Variants in NCKAP5 observed in about 807,000 individuals in gnomAD.
NCKAP5 encodes the protein nck-associated protein 5.
A neutral mutation model predicts 167.0 loss-of-function variants in NCKAP5; 92 were observed. The observed-to-expected ratio is 0.55, with a 90% CI of 0.47 to 0.66. The LOEUF (loss-of-function observed/expected upper bound fraction) is 0.66, where lower values mean the gene tolerates loss of function less well. NCKAP5 is among the 30% of genes least tolerant of loss of function. The pLI is 0.00. For missense variants in NCKAP5, 2,378 were observed against 2,315.0 expected (o/e 1.03, Z -0.56); for synonymous variants, 891 against 877.4 (o/e 1.02, Z -0.27).
chr2:133,480,124 G>T (rs999657743), intron 3 of NCKAP5, among the ~76,000 whole-genome samples: 13 of 152,064 alleles, frequency 8.5e-5, no homozygotes, highest in African/African-American at 3.1e-4. Flanking sequence ...TAGAGATGGG[G>T]TTTCGCCGTG....
At chr2:132,851,943 G>A (rs111929776) in intron 11 of NCKAP5, among the ~76,000 whole-genome samples, 7 of 152,188 alleles carry the variant, frequency 4.6e-5, no homozygotes, top group Admixed American at 6.5e-5. Flanking sequence ...TAATCTTTTC[G>A]TGCCGGGAAT....
chr2:133,339,991 G>A (rs111852457), intron 3 of NCKAP5, among the ~76,000 whole-genome samples: 1 of 152,296 alleles, frequency 6.6e-6, no homozygotes, highest in Non-Finnish European at 1.5e-5. Context: ...ACATGGTTTA[G>A]CTTCCGGGTG....
In NCKAP5 at chr2:132,932,006, T is replaced by C. The variant is rs1230892862; in HGVS notation, c.579+31714A>G. Among the ~76,000 whole-genome samples, 8 of 152,368 alleles carry C rather than the reference T, an allele frequency of 5.3e-5. No individual in the cohort carries two copies. The East Asian group carries it at 1.5e-3, about 29-fold the overall frequency. ...TATTCACCGTACAGGAAAAACTTTA[T>C]GGAGTTACTGACCTACAGGATTCTT... On this transcript the variant is annotated intron_variant, in intron 8 of 19. Coordinates refer to ENST00000409261, the MANE Select transcript of NCKAP5 (RefSeq NM_207363.3).
At chr2:133,326,183 C>T (rs1377145765) in intron 3 of NCKAP5, among the ~76,000 whole-genome samples, 2 of 152,178 alleles carry the variant, frequency 1.3e-5, no homozygotes, top group Non-Finnish European at 2.9e-5. Flanking sequence ...AGGCCGGGCA[C>T]AGTGGCTCAG....
At chr2:133,471,917 C>T (rs1300036583) in intron 3 of NCKAP5, among the ~76,000 whole-genome samples, 1 of 152,210 alleles carries the variant, frequency 6.6e-6, no homozygotes, top group African/African-American at 2.4e-5. Flanking sequence ...TTTAGTTTGA[C>T]ATGGTCATTG....
At chr2:132,984,574 G>T (rs996851929) in intron 7 of NCKAP5, among the ~76,000 whole-genome samples, 1 of 152,060 alleles carries the variant, frequency 6.6e-6, no homozygotes, top group African/African-American at 2.4e-5. Context: ...TGCTGTGCTC[G>T]CCGTGCAGAC....
intron 11 of NCKAP5, among the ~76,000 whole-genome samples, chr2:132,852,499 A>G (rs1477360172): frequency 6.6e-6 from 1 of 152,226 alleles, no homozygotes; most frequent in African/African-American, 2.4e-5. Flanking sequence ...GTTGAAGGTC[A>G]CAGTGACAGA....
intron 2 of NCKAP5, among the ~76,000 whole-genome samples, chr2:133,555,100 A>G (rs1165503329): frequency 6.6e-6 from 1 of 152,232 alleles, no homozygotes; most frequent in African/African-American, 2.4e-5. Flanking sequence ...TTTGCTTTAC[A>G]ATTCTCATAA....
At chr2:133,511,786 TC>T (rs1683516664) in intron 3 of NCKAP5, among the ~76,000 whole-genome samples, 1 of 152,218 alleles carries the variant, frequency 6.6e-6, no homozygotes, top group African/African-American at 2.4e-5. Flanking sequence ...TCTTTGGCCC[TC>T]CCTGACTTGA....
At chr2:133,056,783 C>T (rs966655286) in intron 6 of NCKAP5, among the ~76,000 whole-genome samples, 1 of 152,142 alleles carries the variant, frequency 6.6e-6, no homozygotes, top group Non-Finnish European at 1.5e-5. Context: ...ATCATTCAGG[C>T]AATTTTGTTT....
the NCKAP5 span, among the ~76,000 whole-genome samples, chr2:133,605,894 C>A: frequency 6.6e-6 from 1 of 152,296 alleles, no homozygotes; most frequent in Non-Finnish European, 1.5e-5. Flanking sequence ...GGGCAGGAGG[C>A]TCCTCTGAGG....
intron 3 of NCKAP5, among the ~76,000 whole-genome samples, chr2:133,330,070 T>TC (rs1682734888): frequency 7.7e-6 from 1 of 129,654 alleles, no homozygotes; most frequent in Non-Finnish European, 1.7e-5. Context: ...TTTTTTTTTT[T>TC]TTTTTTTTTT....
At chr2:133,005,160 T>G (rs558132480) in intron 6 of NCKAP5, among the ~76,000 whole-genome samples, 191 of 152,272 alleles carry the variant, frequency 1.3e-3, no homozygotes, top group Non-Finnish European at 2.3e-3. Context: ...CTTACGAAGA[T>G]GATGGGATTA....
intron 7 of NCKAP5, among the ~76,000 whole-genome samples, chr2:132,974,887 T>C (rs2076935045): frequency 6.6e-6 from 1 of 152,204 alleles, no homozygotes; most frequent in South Asian, 2.1e-4. Context: ...ACACATACCA[T>C]AATAGGAGCT....
At chr2:133,509,632 A>G (rs1206318911) in intron 3 of NCKAP5, among the ~76,000 whole-genome samples, 2 of 152,184 alleles carry the variant, frequency 1.3e-5, no homozygotes. Context: ...CCCTCAGGAA[A>G]CCTACAGTCA....
chr2:132,862,275 T>A (rs1007362129), intron 10 of NCKAP5, among the ~76,000 whole-genome samples: 8 of 152,222 alleles, frequency 5.3e-5, no homozygotes, highest in Non-Finnish European at 7.3e-5. Context: ...CCAGTAGTAT[T>A]AATTCTATTA....
At chr2:132,895,114 A>G (rs59244579) in intron 8 of NCKAP5, among the ~76,000 whole-genome samples, 41,581 of 151,676 alleles carry the variant, frequency 0.27, 5,726 homozygotes, top group Admixed American at 0.34. Flanking sequence ...GGCGGATCAC[A>G]AGGTCAGGAG....
the NCKAP5 span, among the ~76,000 whole-genome samples, chr2:133,673,133 C>G: frequency 6.6e-6 from 1 of 152,178 alleles, no homozygotes; most frequent in African/African-American, 2.4e-5. Context: ...GAGGTCACAG[C>G]CTTATGTTCT....
chr2:133,630,393 G>A, the NCKAP5 span, among the ~76,000 whole-genome samples: 1 of 152,166 alleles, frequency 6.6e-6, no homozygotes, highest in Non-Finnish European at 1.5e-5. Context: ...AGACTGTAGT[G>A]ATGGTTACAC....
Sources: allele counts gnomAD v4.1 joint callset (sites outside exome capture counted in the v4.1 genomes callset), GRCh38; gene constraint gnomAD v4.1.1; transcripts MANE v1.5; gene names NCBI Gene and HGNC (gene_info 2026-07-23, HGNC 2026-07-21).